Variants in ATP13A2 observed in about 807,000 individuals in gnomAD.
The protein encoded by ATP13A2 is ATPase cation transporting 13A2.
A neutral mutation model predicts 138.3 loss-of-function variants in ATP13A2; 83 were observed. The ratio of observed to expected loss-of-function variants is 0.60; its 90% CI spans 0.50 to 0.72. ATP13A2 has a LOEUF of 0.72. ATP13A2 is among the 30% of genes least tolerant of loss of function. The pLI, the probability that ATP13A2 is intolerant of heterozygous loss-of-function variation, is 0.00. For missense variants in ATP13A2, 1,402 were observed against 1,606.4 expected, an observed-to-expected ratio of 0.87 and a Z score of 2.17; for synonymous variants, 663 against 699.0, an observed-to-expected ratio of 0.95 and a Z score of 0.81.
At chr1:17,006,584 T>C (rs942742492) in intron 1 of ATP13A2, among the ~76,000 whole-genome samples, 1 of 152,118 alleles carries the variant, frequency 6.6e-6, no homozygotes, top group Non-Finnish European at 1.5e-5. Flanking sequence ...GTGTCGGTCT[T>C]TCTGCTGGGT....
At position 17,004,700 on chromosome 1, in the gene ATP13A2, C is replaced by T. The variant is rs1335574446; in HGVS notation, c.469G>A (p.Val157Ile). ...ACTTTTTCAGAACCCACCTGTCCGA[C>T]ACTCACCGCCTCCTCGCTCTTGTGG... ...QLHKSEEAVS[V>I]GQKRVLRYYL... is the part of the protein sequence containing the mutation. The change falls in exon 5 of 29, where the codon GTC becomes ATC. Residue 157 changes from valine (V) to isoleucine (I), a missense_variant. By Grantham distance (29) the Val-to-Ile change is conservative (BLOSUM62 3). Coordinates refer to ENST00000326735, the MANE Select transcript of ATP13A2 (RefSeq NM_022089.4). The surrounding 1 kb of genome is among the most constrained non-coding windows in gnomAD (Gnocchi z 4.1). 2.5e-6 allele frequency: 4 copies of T among 1,613,996 alleles called. No homozygotes were observed. The highest frequency in any genetic ancestry group is 2.2e-5 in the East Asian group (1 of 44,894).
In ATP13A2 at chr1:16,992,088, C is replaced by A; in HGVS notation, c.2047G>T (p.Ala683Ser). 1 of 1,613,570 alleles carries A rather than the reference C, an allele frequency of 6.2e-7. No homozygotes were observed. Among genetic ancestry groups the A allele is most frequent in the South Asian group, 1.1e-5 (1 of 91,082 alleles). The change falls in exon 19 of 29, where the codon GCT becomes TCT. Residue 683 changes from alanine to serine, a missense_variant. By Grantham distance (99) the Ala-to-Ser change is moderately conservative. Transcript: ENST00000326735. ...FAQMLQSYTA[A>S]GYRVVALASK... is the part of the protein sequence containing the mutation. ...GCCAGGGCCACGACACGGTAGCCAG[C>A]AGCTGTATAGCTCTGCAGCATCTGG...
Position 17,011,916 on chromosome 1 carries a change from C to T in ATP13A2, c.-178G>A. 2.3e-6 allele frequency: 1 copy of T among 433,936 alleles called. No homozygotes were observed. Among genetic ancestry groups the T allele is most frequent in the Non-Finnish European group, 3.1e-6 (1 of 322,462 alleles). The allele number at this position is 433,936 out of a possible 1,614,324, so 26.9% of individuals were successfully genotyped here. A position where few individuals can be genotyped will look rare whatever the true frequency, so the allele number is the denominator to read the frequency against. On this transcript the variant is annotated 5_prime_UTR_variant, in exon 1 of 29. Transcript: ENST00000326735. The surrounding 1 kb of genome is among the most constrained non-coding windows in gnomAD (Gnocchi z 7.3). ...GGCACCTGGGCCACCAGGCTCGGCGCGGCTCCGACACTGCCGCAGTCCCTC... is the reference window on the plus strand; with the variant it reads ...GGCACCTGGGCCACCAGGCTCGGCGTGGCTCCGACACTGCCGCAGTCCCTC...
At chr1:17,007,032 A>C (rs1262371885) in intron 1 of ATP13A2, among the ~76,000 whole-genome samples, 1 of 151,990 alleles carries the variant, frequency 6.6e-6, no homozygotes, top group East Asian at 1.9e-4. Context: ...CTGGGATTAC[A>C]GGCGCCCAGC....
In ATP13A2 at chr1:17,000,034, A is replaced by G; in HGVS notation, c.1016T>C (p.Met339Thr). ...CDAALVAGEC[M>T]VNESSLTGES... ...ACCTGTCAGAGAGCTCTCATTCACC[A>G]TGCACTCGCCGGCCACCAGGGCGGC... The change falls in exon 11 of 29, where the codon ATG (methionine) becomes ACG (threonine). Residue 339 changes from methionine (M) to threonine (T), a missense_variant. Met to Thr is a moderately conservative substitution (Grantham distance 81, BLOSUM62 -1). Transcript: ENST00000326735. 6.2e-7 allele frequency: 1 copy of G among 1,611,880 alleles called. No individual in the cohort carries two copies. The highest frequency in any genetic ancestry group is 8.5e-7 in the Non-Finnish European group (1 of 1,179,210).
intron 6 of ATP13A2, among the ~76,000 whole-genome samples, chr1:17,002,830 C>A (rs545234216): frequency 6.6e-6 from 1 of 152,242 alleles, no homozygotes; most frequent in South Asian, 2.1e-4. Flanking sequence ...GATGAATGCA[C>A]GGGTGATTTT....
rs570427812 is a variant in ATP13A2 at position 17,008,488 on chromosome 1, T to TG, written c.11-2711dup. On this transcript the variant is annotated intron_variant, in intron 1 of 28. Transcript: ENST00000326735. ...GGGAGGTAGAAGCATTTGAAGTTCC[T>TG]GGGGGGGTTGCGTGGACAGGTGGGC... Among the ~76,000 whole-genome samples, 547 of 152,226 alleles carry TG rather than the reference T, an allele frequency of 3.6e-3. 4 individuals are homozygous for TG. The Middle Eastern group carries it at 0.037, about 10-fold the overall frequency.
At position 17,005,401 on chromosome 1, in the gene ATP13A2, T is replaced by G. The variant is rs1454439677; in HGVS notation, c.261A>C (p.Thr87=). 1 of 1,609,608 alleles carries G rather than the reference T, an allele frequency of 6.2e-7. No homozygotes were observed. Among genetic ancestry groups the G allele is most frequent in the Non-Finnish European group, 8.5e-7 (1 of 1,177,924 alleles). Residue 87 remains threonine, a synonymous_variant, in exon 3 of 29, where the codon ACA becomes ACC. Coordinates refer to ENST00000326735, the MANE Select transcript of ATP13A2 (RefSeq NM_022089.4). The part of the protein sequence containing the change: ...LRPCNLAHAE[T]LVIEIRDKED... Reference sequence around the variant, plus strand: ...CTTTGTCTCTTATTTCGATAACGAGTGTTTCGGCGTGGGCCAGGTTGCAGG... The same window carrying G: ...CTTTGTCTCTTATTTCGATAACGAGGGTTTCGGCGTGGGCCAGGTTGCAGG...
chr1:16,988,587 C>A lies in ATP13A2; in HGVS notation c.2610-113G>T, dbSNP rs948244317. On this transcript the variant is annotated intron_variant, in intron 23 of 28. Coordinates refer to ENST00000326735, the MANE Select transcript of ATP13A2 (RefSeq NM_022089.4). ...CTAATGCCACATGGTGCCTGGTGTA[C>A]AGGAGGCGCTCAGTGAATAGATGCA... The A allele has an allele frequency of 1.0e-4, 123 of 1,218,776 alleles. 1 individual carries two copies. Among genetic ancestry groups the A allele is most frequent in the Non-Finnish European group, 1.4e-4 (113 of 830,718 alleles). 75.5% of individuals were successfully genotyped at this position (1,218,776 alleles called of 1,614,324 possible).
At chr1:16,996,660 G>A in intron 12 of ATP13A2, 164 bp from the exon 13 acceptor site, 1 of 647,334 alleles carries the variant, frequency 1.5e-6, no homozygotes, top group East Asian at 2.7e-5. Flanking sequence ...GGCTCTTGTA[G>A]GCTTTTTAAG....
Position 16,992,101 on chromosome 1 carries a change from C to G in ATP13A2, c.2034G>C (p.Gln678His). ...TVPTDFAQML[Q>H]SYTAAGYRVV... is the part of the protein sequence containing the mutation. ...CACGGTAGCCAGCAGCTGTATAGCT[C>G]TGCAGCATCTGGGCGAAGTCGGTGG... Residue 678 changes from glutamine (Q) to histidine (H), a missense_variant, in exon 19 of 29, where the codon CAG becomes CAC. Physicochemically the swap from Gln to His is conservative, Grantham distance 24. Transcript: ENST00000326735. The G allele has an allele frequency of 6.2e-7, 1 of 1,613,498 alleles. No individual in the cohort carries two copies. The highest frequency in any genetic ancestry group is 8.5e-7 in the Non-Finnish European group (1 of 1,179,744).
In ATP13A2 at chr1:16,995,850, T is replaced by G; in HGVS notation, c.1542+126A>C. 8.4e-7 allele frequency: 1 copy of G among 1,187,844 alleles called. No individual in the cohort carries two copies. Among genetic ancestry groups the G allele is most frequent in the Non-Finnish European group, 1.2e-6 (1 of 826,174 alleles). The allele number at this position is 1,187,844 out of a possible 1,614,324, so 73.6% of individuals were successfully genotyped here. ...TGGGATGGGGTGGATCCTCTGGGGG[T>G]TTCCATCCCTAGACAGGACCTGGCA... On this transcript the variant is annotated intron_variant, in intron 15 of 28. Transcript: ENST00000326735. This position sits in a 1 kb window ranked among gnomAD's most constrained non-coding sequence, Gnocchi z 4.1.
At chr1:17,001,350 C>G (rs956953643) in intron 8 of ATP13A2, among the ~76,000 whole-genome samples, 4 of 151,752 alleles carry the variant, frequency 2.6e-5, no homozygotes, top group African/African-American at 7.3e-5. Flanking sequence ...ATCACTTGAA[C>G]CCAGGAGGTG....
At position 16,990,121 on chromosome 1, in the gene ATP13A2, C is replaced by A. The variant is rs768017868; in HGVS notation, c.2412+6G>T. The A allele has an allele frequency of 1.2e-6, 2 of 1,614,150 alleles. No homozygotes were observed. The highest frequency in any genetic ancestry group is 2.2e-5 in the South Asian group (2 of 91,082). On this transcript the variant is annotated splice_donor_region_variant and intron_variant, in intron 21 of 28. Coordinates refer to ENST00000326735, the MANE Select transcript of ATP13A2 (RefSeq NM_022089.4). ...AGGTACAGCTGGAACTCTGGGTTAG[C>A]CTCACCTTAACGCCATTCACGGCTG...
In ATP13A2 at chr1:17,005,358, T is replaced by A. The variant is rs1385104135; in HGVS notation, c.288+16A>T. 1 of 1,582,958 alleles carries A rather than the reference T, an allele frequency of 6.3e-7. No individual in the cohort carries two copies. Among genetic ancestry groups the A allele is most frequent in the Admixed American group, 1.8e-5 (1 of 54,306 alleles). ...TCACTGCGCTTCTCTAGCCCCAGGC[T>A]CAGCCTGACTCTCACCTCTTTGTCT... is the stretch of plus-strand genomic sequence containing the variant. On this transcript the variant is annotated intron_variant, in intron 3 of 28. Coordinates refer to ENST00000326735, the MANE Select transcript of ATP13A2 (RefSeq NM_022089.4).
chr1:16,997,078 G>A lies in ATP13A2; in HGVS notation c.1137C>T (p.Leu379=), dbSNP rs1026641789. ...CCACATAGGCCCGGGCCTGCAAGAT[G>A]AGGGTCCCGCAGAAGAGTGTGTGCC... ...HRRHTLFCGT[L]ILQARAYVGP... is the part of the protein sequence containing the mutation. The change falls in exon 12 of 29, where the codon CTC becomes CTT. Residue 379 remains leucine, a synonymous_variant. Transcript: ENST00000326735. The A allele has an allele frequency of 1.2e-6, 2 of 1,613,468 alleles. No homozygotes were observed. Among genetic ancestry groups the A allele is most frequent in the Non-Finnish European group, 1.7e-6 (2 of 1,180,016 alleles).
chr1:16,989,493 G>A (rs541214380), intron 23 of ATP13A2, among the ~76,000 whole-genome samples, 198 bp downstream of exon 23: 1 of 152,248 alleles, frequency 6.6e-6, no homozygotes, highest in Admixed American at 6.5e-5. Context: ...TTACAGGAAT[G>A]AGCCACCGCA....
rs940097701 is a variant in ATP13A2, at chr1:16,993,620, C to T, written c.1749+9G>A. On this transcript the variant is annotated intron_variant, in intron 16 of 28. Transcript: ENST00000326735. ...AGAGGCAGGGGGCTGACCTGCTTGG[C>T]CTCCTCACCCAGCCAGTAGACTCCA... The T allele has an allele frequency of 6.4e-7, 1 of 1,571,960 alleles. No individual in the cohort carries two copies. The highest frequency in any genetic ancestry group is 8.6e-7 in the Non-Finnish European group (1 of 1,159,122).
rs2076866488 is a variant in ATP13A2, at chr1:16,989,907, A to G, written c.2509T>C (p.Phe837Leu). The G allele has an allele frequency of 6.2e-7, 1 of 1,601,872 alleles. No homozygotes were observed. The highest frequency in any genetic ancestry group is 1.3e-5 in the African/African-American group (1 of 74,854). The part of the protein sequence containing the change: ...GPTFGIIVKH[F>L]PKLLPKVLVQ... ...CCTACCTTGGGCAGCAGCTTGGGGA[A>G]GTGCTTCACAATGATACCAAAGGTG... The change falls in exon 22 of 29, where the codon TTC (phenylalanine) becomes CTC (leucine). Residue 837 changes from phenylalanine to leucine, a missense_variant. Physicochemically the swap from Phe to Leu is conservative, Grantham distance 22. Coordinates refer to ENST00000326735, the MANE Select transcript of ATP13A2 (RefSeq NM_022089.4).
Sources: allele counts gnomAD v4.1 joint callset (sites outside exome capture counted in the v4.1 genomes callset), GRCh38; gene constraint gnomAD v4.1.1; non-coding constraint Gnocchi (gnomAD v3.1); transcripts MANE v1.5; gene names NCBI Gene and HGNC (gene_info 2026-07-23, HGNC 2026-07-21).